Variants in CDH4 observed in about 807,000 individuals in gnomAD.
CDH4 encodes the protein cadherin 4, also known as cadherin-4.
Under a neutral mutation model 86.0 loss-of-function variants are expected in CDH4, and 33 were observed. That is an observed-to-expected ratio of 0.38 (90% CI 0.29 to 0.51). CDH4 has a LOEUF of 0.51. Ranked by LOEUF, CDH4 falls within the 20% of genes least tolerant of loss-of-function variation. The probability of loss-of-function intolerance (pLI) is 0.86; values close to 1 mark genes in which losing one functional copy is unlikely to be tolerated. For missense variants in CDH4, 1,114 were observed against 1,307.4 expected, an observed-to-expected ratio of 0.85 and a Z score of 2.28; for synonymous variants, 555 against 549.4, an observed-to-expected ratio of 1.01 and a Z score of -0.14.
At chr20:61,928,477 CT>C (rs2055071434) in intron 12 of CDH4, 54 bp downstream of exon 12, 2 of 1,489,110 alleles carry the variant, frequency 1.3e-6, no homozygotes, top group African/African-American at 1.4e-5. Context: ...GTGCAGGCCC[CT>C]GGGAGACCCA....
intron 2 of CDH4, among the ~76,000 whole-genome samples, chr20:61,523,599 G>A (rs56779641): frequency 0.026 from 3,900 of 152,320 alleles, 165 homozygotes; most frequent in African/African-American, 0.088. Context: ...TGCAGCTGTC[G>A]TGCAGGGCAT....
At chr20:61,814,191 T>G (rs78274946) in intron 4 of CDH4, among the ~76,000 whole-genome samples, 2,395 of 152,338 alleles carry the variant, frequency 0.016, 30 homozygotes, top group Middle Eastern at 0.034. Flanking sequence ...AGGCCCACTT[T>G]GTAGGCAGTG....
chr20:61,624,628 G>A (rs185584179), intron 2 of CDH4, among the ~76,000 whole-genome samples: 53 of 152,340 alleles, frequency 3.5e-4, no homozygotes, highest in African/African-American at 1.3e-3. Context: ...CTTGATGACA[G>A]GGACAAAGAG....
At chr20:61,553,547 G>T (rs1297120044) in intron 2 of CDH4, among the ~76,000 whole-genome samples, 2 of 152,368 alleles carry the variant, frequency 1.3e-5, no homozygotes, top group African/African-American at 4.8e-5. Context: ...TGATGAGCAT[G>T]TGTATGCATC....
At position 61,681,362 on chromosome 20, in the gene CDH4, C is replaced by T. The variant is rs538034925; in HGVS notation, c.170-62201C>T. Among the ~76,000 whole-genome samples, 86 of 152,188 alleles carry T rather than the reference C, an allele frequency of 5.7e-4. No individual in the cohort carries two copies. Among genetic ancestry groups the T allele is most frequent in the Non-Finnish European group, 8.7e-4 (59 of 68,022 alleles). On this transcript the variant is annotated intron_variant, in intron 2 of 15. Transcript: ENST00000614565. This position sits in a 1 kb window ranked among gnomAD's most constrained non-coding sequence, Gnocchi z 4.5. Reference sequence around the variant, plus strand: ...TCTAAATTGTTAAGATTTTCTGCCACGCATAAAAATGAGGCTGAAATCACC... The same window carrying T: ...TCTAAATTGTTAAGATTTTCTGCCATGCATAAAAATGAGGCTGAAATCACC...
At chr20:61,425,779 G>T (rs918183772) in intron 2 of CDH4, among the ~76,000 whole-genome samples, 4 of 150,832 alleles carry the variant, frequency 2.7e-5, no homozygotes, top group Middle Eastern at 3.5e-3. Context: ...CCCGCCCAGG[G>T]CAGGATGGCC....
At chr20:61,925,365 G>C (rs921873368) in intron 11 of CDH4, among the ~76,000 whole-genome samples, 1 of 152,202 alleles carries the variant, frequency 6.6e-6, no homozygotes, top group South Asian at 2.1e-4. Flanking sequence ...CAGTACCACC[G>C]CTTACCAGTG....
intron 2 of CDH4, among the ~76,000 whole-genome samples, chr20:61,565,664 G>A (rs953921560): frequency 3.9e-4 from 59 of 152,124 alleles, no homozygotes; most frequent in Non-Finnish European, 1.2e-4. Context: ...TGGGGCCACA[G>A]ACCCCTACCC....
chr20:61,492,130 ATGT>A (rs1050593330), intron 2 of CDH4, among the ~76,000 whole-genome samples: 11 of 148,810 alleles, frequency 7.4e-5, no homozygotes, highest in South Asian at 6.5e-4. Context: ...GATATTGTTA[ATGT>A]TGGTGGTGTC....
At chr20:61,798,288 C>T (rs1388751448) in intron 4 of CDH4, among the ~76,000 whole-genome samples, 1 of 152,150 alleles carries the variant, frequency 6.6e-6, no homozygotes, top group Non-Finnish European at 1.5e-5. Flanking sequence ...GGTCCCGCCT[C>T]GCACGCATCC....
chr20:61,373,672 C>A (rs2084852079), intron 2 of CDH4, among the ~76,000 whole-genome samples: 1 of 152,106 alleles, frequency 6.6e-6, no homozygotes, highest in Admixed American at 6.5e-5. Context: ...TGCCAGGTGA[C>A]CTTGGGCTGA....
At chr20:61,371,718 G>A (rs1006636832) in intron 2 of CDH4, among the ~76,000 whole-genome samples, 2 of 152,258 alleles carry the variant, frequency 1.3e-5, no homozygotes, top group Non-Finnish European at 2.9e-5. Flanking sequence ...TGGGGCTCCC[G>A]TGGAGACCTC....
At chr20:61,727,675 A>G (rs931713488) in intron 2 of CDH4, among the ~76,000 whole-genome samples, 1 of 152,178 alleles carries the variant, frequency 6.6e-6, no homozygotes, top group Non-Finnish European at 1.5e-5. Flanking sequence ...AGGTGTGCAG[A>G]TCACGTGGTG....
At chr20:61,468,586 A>G (rs905868991) in intron 2 of CDH4, among the ~76,000 whole-genome samples, 1 of 152,162 alleles carries the variant, frequency 6.6e-6, no homozygotes, top group African/African-American at 2.4e-5. Context: ...AAAATACACA[A>G]TTAAATTATT....
chr20:61,910,469 C>T lies in CDH4; in HGVS notation c.1236C>T (p.Asn412=). The stretch of plus-strand genomic sequence containing the variant: ...ACCGCGTGGAGACCGTGGTCGCAAA[C>T]CTCACGGTGATGGACCGAGATCAGC... ...PENRVETVVA[N]LTVMDRDQPH... Residue 412 remains asparagine, a synonymous_variant, in exon 9 of 16, where the codon AAC becomes AAT. Coordinates refer to ENST00000614565, the MANE Select transcript of CDH4 (RefSeq NM_001794.5). 2.5e-6 allele frequency: 4 copies of T among 1,613,972 alleles called. No individual in the cohort carries two copies. In the South Asian group the frequency reaches 4.4e-5, roughly 18 times the overall value.
intron 2 of CDH4, among the ~76,000 whole-genome samples, chr20:61,447,631 T>G (rs1249497107): frequency 6.7e-6 from 1 of 149,562 alleles, no homozygotes; most frequent in Non-Finnish European, 1.5e-5. Context: ...TTCCTTTTTT[T>G]TTTTTTTTTT....
At position 61,517,650 on chromosome 20, in the gene CDH4, C is replaced by T. The variant is rs1227415385; in HGVS notation, c.170-225913C>T. On this transcript the variant is annotated intron_variant, in intron 2 of 15. Transcript: ENST00000614565. This position sits in a 1 kb window ranked among gnomAD's most constrained non-coding sequence, Gnocchi z 6.6. The stretch of plus-strand genomic sequence containing the variant: ...TTGAGCTGCAAAGTGAGGAGAATGA[C>T]GGCAGCGCCGCTGTAGGACCATGGA... Among the ~76,000 whole-genome samples the T allele has an allele frequency of 2.0e-5, 3 of 152,024 alleles. No homozygotes were observed. Among genetic ancestry groups the T allele is most frequent in the African/African-American group, 4.8e-5 (2 of 41,362 alleles).
At chr20:61,341,370 A>G (rs141491097) in intron 2 of CDH4, among the ~76,000 whole-genome samples, 76 of 152,328 alleles carry the variant, frequency 5.0e-4, no homozygotes, top group African/African-American at 1.7e-3. Context: ...ATGTAAACTC[A>G]GGAGAGAAAT....
intron 2 of CDH4, among the ~76,000 whole-genome samples, chr20:61,526,917 C>A (rs1331051316): frequency 4.6e-5 from 7 of 152,212 alleles, no homozygotes; most frequent in African/African-American, 1.4e-4. Flanking sequence ...TAATTATGTT[C>A]TTTCGGAAAG....
Sources: gnomAD v4.1 joint callset for allele counts (sites outside exome capture counted in the v4.1 genomes callset) on GRCh38, gnomAD v4.1.1 for gene constraint, Gnocchi (gnomAD v3.1) non-coding constraint, MANE v1.5 for transcripts, NCBI Gene and HGNC (gene_info 2026-07-23, HGNC 2026-07-21) for gene names.